The following FAM13A variants were observed in gnomAD, a reference collection of about 807,000 sequenced individuals.
The protein encoded by FAM13A is protein FAM13A.
Under a neutral mutation model 129.6 loss-of-function variants are expected in FAM13A, and 76 were observed. That is an observed-to-expected ratio of 0.59 (90% CI 0.49 to 0.71). The LOEUF (loss-of-function observed/expected upper bound fraction) is 0.71. Ranked by LOEUF, FAM13A falls within the 30% of genes least tolerant of loss-of-function variation. FAM13A has a pLI of 0.00. For synonymous variants in FAM13A, 443 were observed against 449.9 expected (o/e 0.98, Z 0.20); for missense variants, 1,108 against 1,249.3 (o/e 0.89, Z 1.70).
At chr4:88,919,368 C>T (rs981587743) in intron 5 of FAM13A, among the ~76,000 whole-genome samples, 2 of 152,172 alleles carry the variant, frequency 1.3e-5, no homozygotes, top group Non-Finnish European at 2.9e-5. Context: ...ATTGAATGCA[C>T]TAGAGATGTG....
At chr4:88,748,482 C>A (rs1741855353) in intron 17 of FAM13A, among the ~76,000 whole-genome samples, 1 of 152,178 alleles carries the variant, frequency 6.6e-6, no homozygotes, top group South Asian at 2.1e-4. Context: ...CACTGGCCAA[C>A]CTTTTCTGTA....
chr4:88,979,964 A>G (rs10006121), intron 4 of FAM13A, among the ~76,000 whole-genome samples: 105,654 of 152,030 alleles, frequency 0.69, 36,829 homozygotes, highest in Middle Eastern at 0.79. Flanking sequence ...CCAACTCAAA[A>G]AACCAAAAAG....
chr4:88,899,856 T>G (rs1271849244), intron 6 of FAM13A, among the ~76,000 whole-genome samples: 1 of 152,102 alleles, frequency 6.6e-6, no homozygotes, highest in Non-Finnish European at 1.5e-5. Flanking sequence ...GAGCATGTTG[T>G]AACCCACTGC....
chr4:88,862,515 A>G (rs1050499506), intron 6 of FAM13A, among the ~76,000 whole-genome samples: 14 of 152,232 alleles, frequency 9.2e-5, no homozygotes, highest in African/African-American at 3.4e-4. Flanking sequence ...GTAGGCAACA[A>G]AGCATTTTAT....
At chr4:88,947,163 C>CT (rs1377373623) in intron 4 of FAM13A, among the ~76,000 whole-genome samples, 1 of 152,146 alleles carries the variant, frequency 6.6e-6, no homozygotes, top group Non-Finnish European at 1.5e-5. Context: ...AATCCCAGCA[C>CT]TTTGAGAGGC....
At chr4:89,048,366 C>T (rs1403700313) in intron 1 of FAM13A, among the ~76,000 whole-genome samples, 1 of 152,002 alleles carries the variant, frequency 6.6e-6, no homozygotes, top group African/African-American at 2.4e-5. Flanking sequence ...GTGAAAAAAG[C>T]TGATCACAAG....
At chr4:88,748,857 G>A (rs1189703733) in intron 17 of FAM13A, 95 bp downstream of exon 17, 3 of 872,108 alleles carry the variant, frequency 3.4e-6, no homozygotes, top group African/African-American at 1.7e-5. Flanking sequence ...TAAGGACCGG[G>A]GAATGCCTTA....
At chr4:88,809,868 CTT>C (rs201439229) in intron 7 of FAM13A, among the ~76,000 whole-genome samples, 3 of 137,144 alleles carry the variant, frequency 2.2e-5, no homozygotes, top group Non-Finnish European at 3.2e-5. Flanking sequence ...TCCCGGTGGG[CTT>C]TTTTTTTTTT....
At chr4:88,748,826 G>A (rs1202590860) in intron 17 of FAM13A, 126 bp downstream of exon 17, 6 of 759,276 alleles carry the variant, frequency 7.9e-6, no homozygotes, top group Non-Finnish European at 1.4e-5. Flanking sequence ...CTGAATAGCT[G>A]AGAGTGCTGG....
chr4:88,940,450 C>G (rs1000635239), intron 4 of FAM13A, among the ~76,000 whole-genome samples: 1 of 152,104 alleles, frequency 6.6e-6, no homozygotes, highest in Non-Finnish European at 1.5e-5. Flanking sequence ...TTTGAAAGTG[C>G]CACCTAGTTT....
At chr4:89,029,376 A>C (rs900628867) in intron 2 of FAM13A, 84 bp downstream of exon 2, 1 of 1,086,802 alleles carries the variant, frequency 9.2e-7, no homozygotes, top group African/African-American at 1.6e-5. Flanking sequence ...TAGCCTAATC[A>C]TACATTATGA....
At chr4:88,823,365 C>T in intron 7 of FAM13A, 1 of 1,021,232 alleles carries the variant, frequency 9.8e-7, no homozygotes, top group Non-Finnish European at 1.2e-6. Context: ...CCTCAATGGT[C>T]CCTCCTCCTC....
At chr4:88,823,546 G>C (rs1436259782) in intron 7 of FAM13A, among the ~76,000 whole-genome samples, 1 of 152,206 alleles carries the variant, frequency 6.6e-6, no homozygotes, top group Non-Finnish European at 1.5e-5. Flanking sequence ...CAACATTACA[G>C]AGACTGCCAG....
chr4:88,950,456 T>C (rs924271627), intron 4 of FAM13A, among the ~76,000 whole-genome samples: 1 of 152,234 alleles, frequency 6.6e-6, no homozygotes, highest in African/African-American at 2.4e-5. Flanking sequence ...TTAATTGATA[T>C]ATAGAAGCAC....
intron 6 of FAM13A, among the ~76,000 whole-genome samples, chr4:88,870,582 AG>A (rs1741199873): frequency 6.6e-6 from 1 of 152,046 alleles, no homozygotes; most frequent in South Asian, 2.1e-4. Context: ...TGGCTGGGGG[AG>A]GGGCATCTGC....
chr4:88,876,297 T>TA (rs1267496041), intron 6 of FAM13A, among the ~76,000 whole-genome samples: 1 of 150,806 alleles, frequency 6.6e-6, no homozygotes, highest in Non-Finnish European at 1.5e-5. Context: ...ATAATAATAA[T>TA]AAAAAAAGAA....
chr4:89,052,608 G>A (rs1771753494), intron 1 of FAM13A, among the ~76,000 whole-genome samples: 1 of 151,586 alleles, frequency 6.6e-6, no homozygotes, highest in Non-Finnish European at 1.5e-5. Flanking sequence ...CTGCCTTTGG[G>A]GTAATTCTTC....
At position 88,727,663 on chromosome 4, in the gene FAM13A, A is replaced by G. The variant is rs954977335; in HGVS notation, c.*870T>C. ...TATGTTTGGCTAGTGCCACAACAAAACAGCCCCAAACAGATTGCCATGAGC... is the reference window on the plus strand; with the variant it reads ...TATGTTTGGCTAGTGCCACAACAAAGCAGCCCCAAACAGATTGCCATGAGC... On this transcript the variant is annotated 3_prime_UTR_variant, in exon 24 of 24. Transcript: ENST00000264344. The G allele has an allele frequency of 6.6e-5, 10 of 152,384 alleles. No individual in the cohort carries two copies. The East Asian group carries it at 1.9e-3, about 29-fold the overall frequency. The allele number at this position is 152,384 out of a possible 1,614,324, so 9.4% of individuals were successfully genotyped here.
At chr4:89,032,990 G>T (rs1224271804) in intron 1 of FAM13A, among the ~76,000 whole-genome samples, 4 of 152,112 alleles carry the variant, frequency 2.6e-5, no homozygotes, top group African/African-American at 9.7e-5. Context: ...CAGCTGATAT[G>T]GTCCTTGATC....
Sources: allele counts gnomAD v4.1 joint callset (sites outside exome capture counted in the v4.1 genomes callset), GRCh38; gene constraint gnomAD v4.1.1; transcripts MANE v1.5; gene names NCBI Gene and HGNC (gene_info 2026-07-23, HGNC 2026-07-21).